COL23A1: variants seen among roughly 807,000 people sequenced by gnomAD.
COL23A1 encodes the protein collagen alpha-1(XXIII) chain.
COL23A1 carries 97 observed loss-of-function variants against 99.3 expected under a neutral mutation model. The observed-to-expected ratio is 0.98, with a 90% CI of 0.83 to 1.16. COL23A1 has a LOEUF of 1.16. Ranked by LOEUF, COL23A1 falls within the 50% of genes most tolerant of loss-of-function variation. COL23A1 has a pLI of 0.00. For synonymous variants in COL23A1, 320 were observed against 308.2 expected, an observed-to-expected ratio of 1.04 and a Z score of -0.40; for missense variants, 762 against 757.4, an observed-to-expected ratio of 1.01 and a Z score of -0.07.
chr5:178,546,436 A>C (rs1362123798), intron 2 of COL23A1, among the ~76,000 whole-genome samples: 1 of 152,134 alleles, frequency 6.6e-6, no homozygotes, highest in Non-Finnish European at 1.5e-5. Context: ...CAGCCATCTC[A>C]GCTCTTCTCC....
intron 2 of COL23A1, among the ~76,000 whole-genome samples, chr5:178,541,270 G>A (rs1761269157): frequency 6.6e-6 from 1 of 152,190 alleles, no homozygotes; most frequent in Admixed American, 6.5e-5. Context: ...CAAACACACT[G>A]GGTGGGACTA....
chr5:178,416,264 G>A (rs997235492), intron 2 of COL23A1, among the ~76,000 whole-genome samples: 1 of 152,228 alleles, frequency 6.6e-6, no homozygotes, highest in Non-Finnish European at 1.5e-5. Flanking sequence ...ATAGACAAGA[G>A]ATGAGCATCC....
chr5:178,513,030 G>T (rs542506225), intron 2 of COL23A1, among the ~76,000 whole-genome samples: 1 of 152,336 alleles, frequency 6.6e-6, no homozygotes, highest in East Asian at 1.9e-4. Flanking sequence ...GCTTGAGAAA[G>T]AGAAGGCCAT....
chr5:178,358,059 ATG>A (rs1451201561), intron 2 of COL23A1, among the ~76,000 whole-genome samples: 1 of 102,624 alleles, frequency 9.7e-6, no homozygotes. Flanking sequence ...TGTCTAATGT[ATG>A]TGTATTGTGT....
At chr5:178,397,093 C>T (rs1259923418) in intron 2 of COL23A1, among the ~76,000 whole-genome samples, 1 of 152,232 alleles carries the variant, frequency 6.6e-6, no homozygotes, top group Non-Finnish European at 1.5e-5. Context: ...CCTGGCTGTG[C>T]ACCCAGCCTC....
At chr5:178,535,349 C>T (rs1420951509) in intron 2 of COL23A1, among the ~76,000 whole-genome samples, 1 of 152,238 alleles carries the variant, frequency 6.6e-6, no homozygotes. Flanking sequence ...TTATCTACTC[C>T]AACAGGCTGC....
intron 2 of COL23A1, among the ~76,000 whole-genome samples, chr5:178,390,951 C>G (rs1025439875): frequency 6.6e-6 from 1 of 152,210 alleles, no homozygotes; most frequent in Non-Finnish European, 1.5e-5. Context: ...AACAAATAAA[C>G]TTTTGTGCCT....
At chr5:178,412,110 T>C (rs77215280) in intron 2 of COL23A1, among the ~76,000 whole-genome samples, 5,796 of 152,308 alleles carry the variant, frequency 0.038, 147 homozygotes, top group East Asian at 0.16. Context: ...GGAAGCAGCG[T>C]AAGTATCGAT....
At chr5:178,279,269 C>T (rs571472921) in intron 5 of COL23A1, among the ~76,000 whole-genome samples, 3 of 152,298 alleles carry the variant, frequency 2.0e-5, no homozygotes, top group Non-Finnish European at 2.9e-5. Flanking sequence ...CTTCAGCTCC[C>T]GCCCCCGCCA....
chr5:178,343,619 G>A (rs1202422889), intron 2 of COL23A1, among the ~76,000 whole-genome samples: 1 of 151,242 alleles, frequency 6.6e-6, no homozygotes, highest in Non-Finnish European at 1.5e-5. Flanking sequence ...TCATGACACT[G>A]TTCTGCTTGT....
chr5:178,279,476 C>T (rs1327733252), intron 5 of COL23A1, among the ~76,000 whole-genome samples: 2 of 152,230 alleles, frequency 1.3e-5, no homozygotes, highest in East Asian at 3.8e-4. Flanking sequence ...TTGTTTAAGC[C>T]TGGTCCTTCT....
chr5:178,502,975 C>T (rs956989861), intron 2 of COL23A1, among the ~76,000 whole-genome samples: 1 of 152,230 alleles, frequency 6.6e-6, no homozygotes, highest in Admixed American at 6.5e-5. Flanking sequence ...GCCAACCCCA[C>T]ACACGATGCC....
In COL23A1 at chr5:178,255,086, T is replaced by C; in HGVS notation, c.883-60A>G. On this transcript the variant is annotated intron_variant, in intron 15 of 28. Coordinates refer to ENST00000390654, the MANE Select transcript of COL23A1 (RefSeq NM_173465.4). This position sits in a 1 kb window ranked among gnomAD's most constrained non-coding sequence, Gnocchi z 4.2. ...GAGCTACACTGAGTTGGAGGTGAAG[T>C]GGCAGCTGTCCCTGCATCACATCCA... 1 of 1,393,666 alleles carries C rather than the reference T, an allele frequency of 7.2e-7. No individual in the cohort carries two copies. The highest frequency in any genetic ancestry group is 1.2e-5 in the South Asian group (1 of 86,544). The allele number at this position is 1,393,666 out of a possible 1,614,324, so 86.3% of individuals were successfully genotyped here. A position where few individuals can be genotyped will look rare whatever the true frequency, so the allele number is the denominator to read the frequency against.
intron 2 of COL23A1, among the ~76,000 whole-genome samples, chr5:178,419,461 G>A (rs1403606249): frequency 6.6e-6 from 1 of 152,184 alleles, no homozygotes; most frequent in African/African-American, 2.4e-5. Flanking sequence ...TCGGCACCAC[G>A]ACCTGAATTA....
At chr5:178,533,130 T>C (rs517338) in intron 2 of COL23A1, among the ~76,000 whole-genome samples, 77,154 of 152,002 alleles carry the variant, frequency 0.51, 19,958 homozygotes, top group Non-Finnish European at 0.57. Flanking sequence ...TGTGACTACC[T>C]TGGAGATCTG....
chr5:178,549,730 G>A (rs975887541), intron 2 of COL23A1, among the ~76,000 whole-genome samples: 2 of 152,142 alleles, frequency 1.3e-5, no homozygotes, highest in African/African-American at 2.4e-5. Flanking sequence ...CAGGAGAATC[G>A]CTTGAATCCG....
intron 2 of COL23A1, among the ~76,000 whole-genome samples, chr5:178,558,000 A>C (rs572718): frequency 0.29 from 43,296 of 151,358 alleles, 6,263 homozygotes; most frequent in East Asian, 0.31. Flanking sequence ...GGCCTCCATC[A>C]CAGCCTGGAG....
chr5:178,463,926 C>T (rs1277873135), intron 2 of COL23A1, among the ~76,000 whole-genome samples: 2 of 151,920 alleles, frequency 1.3e-5, no homozygotes, highest in African/African-American at 2.4e-5. Context: ...CCTCAGGCTG[C>T]AGAACGAACC....
intron 2 of COL23A1, chr5:178,377,875 A>G (rs943749668): frequency 6.6e-6 from 1 of 152,466 alleles, no homozygotes; most frequent in African/African-American, 2.4e-5. Flanking sequence ...ACACTGGAGA[A>G]GCAGGCAGGG....
Sources: allele counts gnomAD v4.1 joint callset (sites outside exome capture counted in the v4.1 genomes callset), GRCh38; gene constraint gnomAD v4.1.1; non-coding constraint Gnocchi (gnomAD v3.1); transcripts MANE v1.5; gene names NCBI Gene and HGNC (gene_info 2026-07-23, HGNC 2026-07-21).